The following FRMD4A variants were observed in gnomAD, a reference collection of about 807,000 sequenced individuals.
FRMD4A encodes the protein FERM domain containing 4A.
Under a neutral mutation model 129.1 loss-of-function variants are expected in FRMD4A, and 29 were observed. The observed-to-expected ratio is 0.22, with a 90% CI of 0.17 to 0.31. FRMD4A has a LOEUF of 0.31. Ranked by LOEUF, FRMD4A falls within the 10% of genes least tolerant of loss-of-function variation. The probability of loss-of-function intolerance (pLI) is 1.00; values close to 1 mark genes in which losing one functional copy is unlikely to be tolerated. For missense variants in FRMD4A, 1,272 were observed against 1,375.8 expected, an observed-to-expected ratio of 0.92 and a Z score of 1.19; for synonymous variants, 634 against 571.6, an observed-to-expected ratio of 1.11 and a Z score of -1.56.
At position 14,100,443 on chromosome 10, in the gene FRMD4A, C is replaced by A. The variant is rs139459282; in HGVS notation, c.45+229615G>T. ...CTGCAAGGATAGGCTGGGTTTGGGT[C>A]CTGGGAAACTTAGAGAGGTTTTTAG... On this transcript the variant is annotated intron_variant, in intron 2 of 24. Coordinates refer to ENST00000357447, the MANE Select transcript of FRMD4A (RefSeq NM_018027.5). 5.3e-3 allele frequency among the ~76,000 whole-genome samples: 800 copies of A among 152,168 alleles called. 10 individuals are homozygous for A. The highest frequency in any genetic ancestry group is 0.019 in the African/African-American group (776 of 41,510).
intron 21 of FRMD4A, among the ~76,000 whole-genome samples, chr10:13,658,505 T>A (rs570666404): frequency 6.6e-6 from 1 of 152,046 alleles, no homozygotes; most frequent in East Asian, 1.9e-4. Context: ...AAGAGGCGAG[T>A]CCCACTTCCG....
chr10:14,211,385 C>T (rs992071097), intron 2 of FRMD4A, among the ~76,000 whole-genome samples: 2 of 152,134 alleles, frequency 1.3e-5, no homozygotes, highest in Non-Finnish European at 1.5e-5. Context: ...TTTGAAGTCA[C>T]GTGGGTCTGG....
At chr10:14,185,512 G>A (rs1034223804) in intron 2 of FRMD4A, among the ~76,000 whole-genome samples, 24 of 152,214 alleles carry the variant, frequency 1.6e-4, no homozygotes, top group Admixed American at 1.2e-3. Flanking sequence ...AGTATTTTTT[G>A]GAGGTTTGTT....
Position 14,095,355 on chromosome 10 carries a change from T to A in FRMD4A, c.45+234703A>T, listed in dbSNP as rs940945396. Among the ~76,000 whole-genome samples the A allele has an allele frequency of 2.6e-5, 4 of 152,326 alleles. No homozygotes were observed. In the East Asian group the frequency reaches 7.7e-4, roughly 29 times the overall value. On this transcript the variant is annotated intron_variant, in intron 2 of 24. Coordinates refer to ENST00000357447, the MANE Select transcript of FRMD4A (RefSeq NM_018027.5). ...TGCTTCCTGCTAGCCATCACTTTCA[T>A]GCTCAGAATAGATGTGCCCCATTGC...
At chr10:14,273,046 T>C (rs1445698787) in intron 2 of FRMD4A, among the ~76,000 whole-genome samples, 1 of 150,432 alleles carries the variant, frequency 6.6e-6, no homozygotes, top group Non-Finnish European at 1.5e-5. Flanking sequence ...CCAAACCCTG[T>C]CTTTACCAGA....
chr10:13,762,433 A>G (rs2092111953), intron 7 of FRMD4A, among the ~76,000 whole-genome samples, 191 bp downstream of exon 7: 1 of 152,196 alleles, frequency 6.6e-6, no homozygotes, highest in South Asian at 2.1e-4. Flanking sequence ...AACATTTTGA[A>G]ATACTACAAG....
intron 14 of FRMD4A, among the ~76,000 whole-genome samples, chr10:13,696,359 G>C (rs2086226360): frequency 6.6e-6 from 1 of 152,134 alleles, no homozygotes; most frequent in African/African-American, 2.4e-5. Flanking sequence ...ATAAAAAGTA[G>C]CCCACTCCCA....
intron 5 of FRMD4A, among the ~76,000 whole-genome samples, chr10:13,791,803 C>T (rs1320114503): frequency 6.6e-6 from 1 of 152,102 alleles, no homozygotes; most frequent in Non-Finnish European, 1.5e-5. Context: ...TGGATTTGGG[C>T]TTGTAAGTCT....
At chr10:14,168,553 C>T (rs1288706224) in intron 2 of FRMD4A, among the ~76,000 whole-genome samples, 3 of 152,224 alleles carry the variant, frequency 2.0e-5, no homozygotes, top group Non-Finnish European at 4.4e-5. Flanking sequence ...ATCTTGCAAG[C>T]ATCACCCAGA....
intron 2 of FRMD4A, among the ~76,000 whole-genome samples, chr10:14,031,996 T>TG (rs1288703269): frequency 6.6e-6 from 1 of 152,124 alleles, no homozygotes; most frequent in Non-Finnish European, 1.5e-5. Flanking sequence ...TTTTTTGAGA[T>TG]GGGGTCTTTC....
intron 2 of FRMD4A, among the ~76,000 whole-genome samples, chr10:14,226,158 A>G (rs923526064): frequency 1.3e-5 from 2 of 152,060 alleles, no homozygotes; most frequent in African/African-American, 4.8e-5. Context: ...ATACATATGC[A>G]GGTTTATTAT....
rs1472616297 is a variant in FRMD4A at position 14,218,525 on chromosome 10, G to A, written c.45+111533C>T. Among the ~76,000 whole-genome samples, 6 of 152,036 alleles carry A rather than the reference G, an allele frequency of 3.9e-5. No individual in the cohort carries two copies. In the East Asian group the frequency reaches 9.6e-4, roughly 24 times the overall value. On this transcript the variant is annotated intron_variant, in intron 2 of 24. Coordinates refer to ENST00000357447, the MANE Select transcript of FRMD4A (RefSeq NM_018027.5). The stretch of plus-strand genomic sequence containing the variant: ...AATCTCATGTCATCTCATGTGATTC[G>A]CTTACATTGCGGGAAGTCACAGGGC...
intron 2 of FRMD4A, among the ~76,000 whole-genome samples, chr10:13,896,439 T>C (rs56172626): frequency 0.15 from 22,706 of 152,092 alleles, 1,866 homozygotes; most frequent in African/African-American, 0.19. Context: ...AAACACCGCA[T>C]GTTCTCACTC....
intron 2 of FRMD4A, among the ~76,000 whole-genome samples, chr10:14,240,277 T>G (rs1589217065): frequency 6.6e-6 from 1 of 152,316 alleles, no homozygotes; most frequent in African/African-American, 2.4e-5. Flanking sequence ...TCACACAGGC[T>G]GCTGCATGAC....
intron 2 of FRMD4A, among the ~76,000 whole-genome samples, chr10:14,185,731 G>A (rs967807599): frequency 3.9e-5 from 6 of 152,182 alleles, no homozygotes; most frequent in Non-Finnish European, 7.3e-5. Context: ...AGAGAGAAGG[G>A]ATGGCAACAG....
At position 13,694,074 on chromosome 10, in the gene FRMD4A, C is replaced by T. The variant is rs1015551416; in HGVS notation, c.976-35G>A. On this transcript the variant is annotated intron_variant, in intron 14 of 24. Coordinates refer to ENST00000357447, the MANE Select transcript of FRMD4A (RefSeq NM_018027.5). Reference sequence around the variant, plus strand: ...AAAGGGAAGCAGGTCAAAGAAGTGACGCTCACCTTGCGGAAAGGACAGTCA... The same window carrying T: ...AAAGGGAAGCAGGTCAAAGAAGTGATGCTCACCTTGCGGAAAGGACAGTCA... 2.5e-5 allele frequency: 38 copies of T among 1,490,510 alleles called. 1 individual carries two copies. Among genetic ancestry groups the T allele is most frequent in the Non-Finnish European group, 3.2e-5 (36 of 1,122,516 alleles). The allele number at this position is 1,490,510 out of a possible 1,614,324, so 92.3% of individuals were successfully genotyped here.
rs150505709 is a variant in FRMD4A at position 13,934,029 on chromosome 10, C to A, written c.46-75117G>T. ...TAAGGTTGTAAAGGAACATTGAAACCATTATGAATGGAGATCTAAAAGAAG... is the reference window on the plus strand; with the variant it reads ...TAAGGTTGTAAAGGAACATTGAAACAATTATGAATGGAGATCTAAAAGAAG... On this transcript the variant is annotated intron_variant, in intron 2 of 24. Coordinates refer to ENST00000357447, the MANE Select transcript of FRMD4A (RefSeq NM_018027.5). Among the ~76,000 whole-genome samples, 627 of 152,278 alleles carry A rather than the reference C, an allele frequency of 4.1e-3. 1 individual carries two copies. Among genetic ancestry groups the A allele is most frequent in the Middle Eastern group, 0.01 (3 of 294 alleles).
chr10:13,687,870 G>A (rs2085245597), intron 15 of FRMD4A, among the ~76,000 whole-genome samples: 3 of 152,214 alleles, frequency 2.0e-5, no homozygotes, highest in Non-Finnish European at 2.9e-5. Flanking sequence ...GCTGCATGGG[G>A]AGGTGAGAAT....
Position 13,646,911 on chromosome 10 carries a change from G to C in FRMD4A, c.*127C>G. 2 of 731,776 alleles carry C rather than the reference G, an allele frequency of 2.7e-6. No homozygotes were observed. Among genetic ancestry groups the C allele is most frequent in the Non-Finnish European group, 3.3e-6 (2 of 597,426 alleles). 45.3% of individuals were successfully genotyped at this position (731,776 alleles called of 1,614,324 possible). A position where few individuals can be genotyped will look rare whatever the true frequency, so the allele number is the denominator to read the frequency against. ...GGTGATCTCAGAATGGCGTTGAGGC[G>C]GTCAGATTAGGCCGGGCTGGCTCAC... On this transcript the variant is annotated 3_prime_UTR_variant, in exon 25 of 25. Transcript: ENST00000357447.
Sources: gnomAD v4.1 joint callset for allele counts (sites outside exome capture counted in the v4.1 genomes callset) on GRCh38, gnomAD v4.1.1 for gene constraint, MANE v1.5 for transcripts, NCBI Gene and HGNC (gene_info 2026-07-23, HGNC 2026-07-21) for gene names.